The following LIMA1 variants were observed in gnomAD, a reference collection of about 807,000 sequenced individuals.
The protein encoded by LIMA1 is LIM domain and actin-binding protein 1.
LIMA1 carries 52 observed loss-of-function variants against 62.6 expected under a neutral mutation model. The ratio of observed to expected loss-of-function variants is 0.83; its 90% CI spans 0.67 to 1.05. LIMA1 has a LOEUF of 1.05. LIMA1 is among the 50% of genes least tolerant of loss of function. LIMA1 has a pLI of 0.00. For missense variants in LIMA1, 780 were observed against 902.2 expected (o/e 0.86, Z 1.74); for synonymous variants, 302 against 317.8 (o/e 0.95, Z 0.53).
intron 8 of LIMA1, among the ~76,000 whole-genome samples, chr12:50,194,996 C>T (rs1007961029): frequency 2.0e-5 from 3 of 151,894 alleles, no homozygotes; most frequent in Non-Finnish European, 2.9e-5. Context: ...TACAGTGAGC[C>T]GAGATTGCAC....
chr12:50,280,941 T>C (rs564749977), intron 1 of LIMA1, among the ~76,000 whole-genome samples: 12 of 152,350 alleles, frequency 7.9e-5, no homozygotes, highest in African/African-American at 2.9e-4. Flanking sequence ...CCTTTTCTAA[T>C]GGAAATTACT....
chr12:50,203,421 T>C (rs1941093508), intron 6 of LIMA1, among the ~76,000 whole-genome samples: 1 of 151,920 alleles, frequency 6.6e-6, no homozygotes, highest in African/African-American at 2.4e-5. Context: ...CAATCTTTTT[T>C]TTTTTTCCTG....
chr12:50,270,233 CAAAAAAAAAAAA>C (rs60610107), intron 1 of LIMA1, among the ~76,000 whole-genome samples: 18 of 68,404 alleles, frequency 2.6e-4, no homozygotes, highest in Admixed American at 8.7e-4. Context: ...GAAACTCTGT[CAAAAAAAAAAAA>C]AAAAAAAAAA....
intron 5 of LIMA1, 132 bp from the exon 6 acceptor site, chr12:50,204,832 G>A (rs759928762): frequency 3.9e-6 from 3 of 768,864 alleles, no homozygotes; most frequent in South Asian, 1.8e-5. Context: ...ATATCCTCCC[G>A]CCTCAGCCTC....
At chr12:50,201,139 T>C in intron 6 of LIMA1, 2 of 1,214,760 alleles carry the variant, frequency 1.6e-6, no homozygotes, top group Non-Finnish European at 2.1e-6. Flanking sequence ...TACAGACACA[T>C]CAACACAGGC....
intron 9 of LIMA1, among the ~76,000 whole-genome samples, chr12:50,190,682 ATTTTTTTT>A (rs762182699): frequency 1.1e-5 from 1 of 93,058 alleles, no homozygotes; most frequent in African/African-American, 4.4e-5. Context: ...ACCCGGCCTC[ATTTTTTTT>A]TTTTTTTTTT....
At chr12:50,185,270 G>GACGCAGAGCACTCCTCCATC (rs1286631042) in intron 9 of LIMA1, 1 of 420,610 alleles carries the variant, frequency 2.4e-6, no homozygotes, top group African/African-American at 2.1e-5. Flanking sequence ...GGAACTGAAG[G>GACGCAGAGCACTCCTCCATC]ACGCAGAGCA....
intron 9 of LIMA1, chr12:50,185,581 T>C: frequency 2.3e-6 from 1 of 428,214 alleles, no homozygotes; most frequent in Non-Finnish European, 4.7e-6. Context: ...TTTTCCTTTT[T>C]AAGTAACTCT....
rs186555759 is a variant in LIMA1, at chr12:50,215,811, A to G, written c.630+6210T>C. ...TAATATAAAATCCCAGCACTTTGGAAGGCCGAGGTGGGTGGATCACTTGAG... is the reference window on the plus strand; with the variant it reads ...TAATATAAAATCCCAGCACTTTGGAGGGCCGAGGTGGGTGGATCACTTGAG... On this transcript the variant is annotated intron_variant, in intron 4 of 10. Coordinates refer to ENST00000341247, the MANE Select transcript of LIMA1 (RefSeq NM_016357.5). Among the ~76,000 whole-genome samples the G allele has an allele frequency of 8.3e-3, 1,261 of 152,150 alleles. 17 individuals carry two copies. The highest frequency in any genetic ancestry group is 0.029 in the African/African-American group (1,190 of 41,568).
At chr12:50,236,525 C>G (rs1429526890) in intron 2 of LIMA1, among the ~76,000 whole-genome samples, 2 of 152,004 alleles carry the variant, frequency 1.3e-5, no homozygotes, top group Non-Finnish European at 2.9e-5. Context: ...GTCTCCAACT[C>G]CTGACCTCAG....
In LIMA1 at chr12:50,246,810, C is replaced by T. The variant is rs377734245; in HGVS notation, c.119+1823G>A. On this transcript the variant is annotated intron_variant, in intron 2 of 10. Coordinates refer to ENST00000341247, the MANE Select transcript of LIMA1 (RefSeq NM_016357.5). ...TTGCTTCAATCTCCTATCTTAGACT[C>T]GACTCATTCCACTTCAAGCTCACTG... Among the ~76,000 whole-genome samples, 5 of 152,290 alleles carry T rather than the reference C, an allele frequency of 3.3e-5. No individual in the cohort carries two copies. The East Asian group carries it at 7.7e-4, about 23-fold the overall frequency.
At chr12:50,262,363 T>G (rs1379584487) in intron 1 of LIMA1, among the ~76,000 whole-genome samples, 1 of 152,108 alleles carries the variant, frequency 6.6e-6, no homozygotes, top group Admixed American at 6.6e-5. Context: ...TCCCATCCCA[T>G]GATTCTGATT....
chr12:50,210,418 C>CAAAAAAAAAAAAAAAAAA (rs769288381), intron 4 of LIMA1, among the ~76,000 whole-genome samples: 20 of 90,706 alleles, frequency 2.2e-4, no homozygotes, highest in Admixed American at 2.7e-4. Flanking sequence ...ACCCCATTTC[C>CAAAAAAAAAAAAAAAAAA]AAAAAAAAAA....
intron 1 of LIMA1, among the ~76,000 whole-genome samples, chr12:50,252,416 C>T (rs1488593383): frequency 6.6e-6 from 1 of 151,834 alleles, no homozygotes; most frequent in East Asian, 1.9e-4. Context: ...CCCATCTCTA[C>T]TAAAAATACA....
intron 9 of LIMA1, among the ~76,000 whole-genome samples, 186 bp downstream of exon 9, chr12:50,192,266 C>A (rs1254882140): frequency 3.9e-5 from 6 of 152,116 alleles, no homozygotes; most frequent in Middle Eastern, 3.2e-3. Context: ...CGCTCCCGGG[C>A]CAAAGACCTG....
intron 3 of LIMA1, among the ~76,000 whole-genome samples, chr12:50,227,151 T>C (rs1408605435): frequency 6.6e-6 from 1 of 151,988 alleles, no homozygotes; most frequent in Non-Finnish European, 1.5e-5. Context: ...CATCTCTCCT[T>C]TTCTACCAAT....
chr12:50,282,074 A>C (rs1236084747), intron 1 of LIMA1, among the ~76,000 whole-genome samples: 1 of 152,218 alleles, frequency 6.6e-6, no homozygotes, highest in Non-Finnish European at 1.5e-5. Flanking sequence ...TTGTTCTATC[A>C]ATGCAAAACA....
Position 50,178,016 on chromosome 12 carries a change from T to C in LIMA1, c.1328A>G (p.Asn443Ser). ...GTTGCCCTTAGATTTAAAGAGTTGA[T>C]TGAAGTGAGGCTTACAATAGATTCT... The part of the protein sequence containing the change: ...HGRIYCKPHF[N>S]QLFKSKGNYD... The change falls in exon 11 of 11, where the codon AAT becomes AGT. Residue 443 changes from asparagine to serine, a missense_variant. Transcript: ENST00000341247. 1 of 1,586,620 alleles carries C rather than the reference T, an allele frequency of 6.3e-7. No homozygotes were observed. The highest frequency in any genetic ancestry group is 1.7e-4 in the Middle Eastern group (1 of 5,928).
chr12:50,178,551 A>G (rs971611281), intron 10 of LIMA1, among the ~76,000 whole-genome samples: 2 of 151,972 alleles, frequency 1.3e-5, no homozygotes, highest in African/African-American at 4.8e-5. Flanking sequence ...AAAAAGAAAA[A>G]AAAACCAACA....
Sources: gnomAD v4.1 joint callset for allele counts (sites outside exome capture counted in the v4.1 genomes callset) on GRCh38, gnomAD v4.1.1 for gene constraint, MANE v1.5 for transcripts, NCBI Gene and HGNC (gene_info 2026-07-23, HGNC 2026-07-21) for gene names.